WDR49: variants seen among roughly 807,000 people sequenced by gnomAD.
WDR49 encodes the protein WD repeat domain 49.
A neutral mutation model predicts 119.5 loss-of-function variants in WDR49; 107 were observed. The observed-to-expected ratio is 0.90, with a 90% CI of 0.77 to 1.05. The LOEUF is 1.05. WDR49 is among the 50% of genes least tolerant of loss of function. The pLI is 0.00. For missense variants in WDR49, 1,240 were observed against 1,220.5 expected, an observed-to-expected ratio of 1.02 and a Z score of -0.24; for synonymous variants, 425 against 418.8, an observed-to-expected ratio of 1.01 and a Z score of -0.18.
At chr3:167,644,281 T>G (rs1367176219) in intron 2 of WDR49, among the ~76,000 whole-genome samples, 1 of 152,092 alleles carries the variant, frequency 6.6e-6, no homozygotes, top group Non-Finnish European at 1.5e-5. Context: ...CTTTAGGTTA[T>G]GAAGACATGC....
intron 7 of WDR49, among the ~76,000 whole-genome samples, chr3:167,599,178 G>A (rs1044942702): frequency 6.6e-6 from 1 of 152,158 alleles, no homozygotes; most frequent in Non-Finnish European, 1.5e-5. Context: ...AGGGCAGTTA[G>A]TTCCCTCAGG....
At chr3:167,647,688 G>A (rs1718187585) in intron 2 of WDR49, among the ~76,000 whole-genome samples, 1 of 152,148 alleles carries the variant, frequency 6.6e-6, no homozygotes, top group Admixed American at 6.6e-5. Flanking sequence ...ATGACCTGCT[G>A]TCTTTGTTCA....
chr3:167,565,377 A>G (rs1713532040), intron 8 of WDR49, among the ~76,000 whole-genome samples: 2 of 93,462 alleles, frequency 2.1e-5, no homozygotes, highest in African/African-American at 8.6e-5. Context: ...AAGCATATCT[A>G]TCTACACACA....
intron 16 of WDR49, among the ~76,000 whole-genome samples, chr3:167,506,805 G>T (rs551551858): frequency 6.6e-6 from 1 of 152,164 alleles, no homozygotes; most frequent in Admixed American, 6.5e-5. Context: ...CCTCTGGCCT[G>T]TGACGATTTT....
chr3:167,565,202 T>G (rs1416262283), intron 8 of WDR49, among the ~76,000 whole-genome samples: 2 of 152,152 alleles, frequency 1.3e-5, no homozygotes, highest in Non-Finnish European at 2.9e-5. Flanking sequence ...ATTTTTTCTC[T>G]TCTTCAATTA....
At chr3:167,602,456 T>C (rs1715822941) in intron 6 of WDR49, among the ~76,000 whole-genome samples, 181 bp from the exon 7 acceptor site, 1 of 152,070 alleles carries the variant, frequency 6.6e-6, no homozygotes, top group Non-Finnish European at 1.5e-5. Flanking sequence ...GTTCTGTCAA[T>C]AGAAATAGTT....
intron 15 of WDR49, among the ~76,000 whole-genome samples, chr3:167,524,950 A>G (rs1265186552): frequency 2.0e-5 from 3 of 152,098 alleles, no homozygotes; most frequent in African/African-American, 4.8e-5. Flanking sequence ...AAGAAAGCCA[A>G]TGGTAGCTTG....
intron 7 of WDR49, among the ~76,000 whole-genome samples, chr3:167,600,595 T>C (rs1363407639): frequency 6.6e-6 from 1 of 152,214 alleles, no homozygotes; most frequent in Non-Finnish European, 1.5e-5. Context: ...ATCCCTATTT[T>C]ACATTTTCAA....
intron 2 of WDR49, among the ~76,000 whole-genome samples, chr3:167,635,468 T>C (rs904770772): frequency 2.0e-5 from 3 of 151,734 alleles, no homozygotes; most frequent in African/African-American, 7.2e-5. Context: ...TTTTTCAAAA[T>C]CTGCCAACCC....
At chr3:167,548,741 G>A (rs1274393535) in intron 10 of WDR49, among the ~76,000 whole-genome samples, 2 of 151,804 alleles carry the variant, frequency 1.3e-5, no homozygotes, top group Admixed American at 6.6e-5. Flanking sequence ...TGTGCACAAC[G>A]TGCAGGTTTG....
intron 7 of WDR49, 144 bp downstream of exon 7, chr3:167,601,983 A>G: frequency 9.3e-7 from 1 of 1,071,058 alleles, no homozygotes; most frequent in Non-Finnish European, 1.3e-6. Context: ...CCTTTTCCAA[A>G]TATAGACTTC....
chr3:167,518,520 C>A (rs935626229), intron 16 of WDR49, among the ~76,000 whole-genome samples: 3 of 151,964 alleles, frequency 2.0e-5, no homozygotes, highest in African/African-American at 7.2e-5. Context: ...CTTTTGGCTG[C>A]ATAAATGTCT....
chr3:167,612,591 A>G (rs985678563), intron 5 of WDR49, among the ~76,000 whole-genome samples: 1 of 152,140 alleles, frequency 6.6e-6, no homozygotes, highest in African/African-American at 2.4e-5. Context: ...AAAAAAAGAG[A>G]GTATATCCAA....
chr3:167,625,587 A>G (rs1265306249), intron 3 of WDR49, among the ~76,000 whole-genome samples: 1 of 152,036 alleles, frequency 6.6e-6, no homozygotes, highest in Non-Finnish European at 1.5e-5. Context: ...GGAAAAGGAA[A>G]TTGTGAAATT....
intron 7 of WDR49, among the ~76,000 whole-genome samples, chr3:167,597,946 T>C (rs1042048117): frequency 1.3e-5 from 2 of 152,114 alleles, no homozygotes; most frequent in Non-Finnish European, 2.9e-5. Context: ...TTAGGCTTTT[T>C]GGGTTAATAT....
chr3:167,541,279 G>A (rs1711809640), intron 10 of WDR49, among the ~76,000 whole-genome samples: 1 of 152,094 alleles, frequency 6.6e-6, no homozygotes, highest in Admixed American at 6.5e-5. Context: ...ACAAAGGAAA[G>A]AATCTTGAGG....
chr3:167,532,518 A>C (rs1327544514), intron 12 of WDR49, among the ~76,000 whole-genome samples: 1 of 152,170 alleles, frequency 6.6e-6, no homozygotes, highest in East Asian at 1.9e-4. Context: ...CTATCGAGTG[A>C]ACATGAATTT....
chr3:167,508,301 C>A (rs9825572), intron 16 of WDR49, among the ~76,000 whole-genome samples: 1 of 152,230 alleles, frequency 6.6e-6, no homozygotes, highest in Non-Finnish European at 1.5e-5. Context: ...ACACAGAACA[C>A]TGATAAAGTA....
At chr3:167,498,915 AG>A (rs1473971599) in intron 18 of WDR49, among the ~76,000 whole-genome samples, 2 of 152,102 alleles carry the variant, frequency 1.3e-5, no homozygotes, top group Admixed American at 6.5e-5. Context: ...ACTGGTTCCG[AG>A]GCCTTTCAAT....
Sources: allele counts gnomAD v4.1 joint callset (sites outside exome capture counted in the v4.1 genomes callset), GRCh38; gene constraint gnomAD v4.1.1; transcripts MANE v1.5; gene names NCBI Gene and HGNC (gene_info 2026-07-23, HGNC 2026-07-21).